MTG1: variants seen among roughly 807,000 people sequenced by gnomAD.
MTG1 encodes the protein mitochondrial ribosome associated GTPase 1.
In MTG1, 30 loss-of-function variants were observed where a neutral mutation model predicts 39.5. The ratio of observed to expected loss-of-function variants is 0.76; its 90% CI spans 0.57 to 1.03. The LOEUF (loss-of-function observed/expected upper bound fraction) is 1.03. MTG1 is among the 50% of genes least tolerant of loss of function. The pLI is 0.00. For missense variants in MTG1, 513 were observed against 447.4 expected (o/e 1.15, Z -1.32); for synonymous variants, 217 against 179.0 (o/e 1.21, Z -1.69).
chr10:133,413,615 G>A (rs538752430), intron 9 of MTG1, among the ~76,000 whole-genome samples: 5 of 152,142 alleles, frequency 3.3e-5, no homozygotes, highest in Admixed American at 1.3e-4. Context: ...ATTTTTAAAC[G>A]ATTCTACTGT....
rs567495709 is a variant in MTG1 at position 133,397,492 on chromosome 10, T to C, written c.283-943T>C. Among the ~76,000 whole-genome samples, 5 of 151,546 alleles carry C rather than the reference T, an allele frequency of 3.3e-5. 1 individual carries two copies. In the East Asian group the frequency reaches 9.7e-4, roughly 29 times the overall value. The stretch of plus-strand genomic sequence containing the variant: ...TCTTGTGTCTTATTTTCTTTTTTTT[T>C]TTTTGAGGCAGAGTCTTGCTCTGTC... On this transcript the variant is annotated intron_variant, in intron 3 of 10. Transcript: ENST00000317502.
rs1850256222 is a variant in MTG1, at chr10:133,422,249, C to T, written c.*2084C>T. ...CTGAGCAGGCCGTCAGCTGCCAGCC[C>T]ACCACGCGGATACCCAGGCCCTGTT... On this transcript the variant is annotated 3_prime_UTR_variant, in exon 11 of 11. Transcript: ENST00000317502. The T allele has an allele frequency of 1.3e-5, 2 of 152,418 alleles. No individual in the cohort carries two copies. Among genetic ancestry groups the T allele is most frequent in the Non-Finnish European group, 2.9e-5 (2 of 68,186 alleles). 9.4% of individuals were successfully genotyped at this position (152,418 alleles called of 1,614,324 possible). A position where few individuals can be genotyped will look rare whatever the true frequency, so the allele number is the denominator to read the frequency against.
intron 5 of MTG1, 50 bp from the exon 6 acceptor site, chr10:133,399,479 G>A (rs761293911): frequency 6.3e-7 from 1 of 1,578,324 alleles, no homozygotes; most frequent in South Asian, 1.1e-5. Flanking sequence ...CAGAGTCTCA[G>A]GCTCTAGCGG....
At chr10:133,417,125 G>A (rs1589919426) in intron 9 of MTG1, among the ~76,000 whole-genome samples, 1 of 152,144 alleles carries the variant, frequency 6.6e-6, no homozygotes, top group East Asian at 1.9e-4. Context: ...ATCTCATTGT[G>A]GTTTTGATTT....
intron 9 of MTG1, among the ~76,000 whole-genome samples, chr10:133,413,710 A>G (rs1850078018): frequency 2.0e-5 from 3 of 152,194 alleles, no homozygotes; most frequent in Non-Finnish European, 4.4e-5. Context: ...TGACCTTACA[A>G]TAATGCATTT....
Position 133,396,040 on chromosome 10 carries a change from G to A in MTG1, c.178-123G>A. The A allele has an allele frequency of 3.2e-6, 3 of 938,100 alleles. No individual in the cohort carries two copies. The South Asian group carries it at 4.4e-5, about 14-fold the overall frequency. The allele number at this position is 938,100 out of a possible 1,614,324, so 58.1% of individuals were successfully genotyped here. ...AACTGTTTAAATGTTCCTGCCAACT[G>A]GGGCTTTTCTCCTGTACTTGAGGAA... On this transcript the variant is annotated intron_variant, in intron 2 of 10. Coordinates refer to ENST00000317502, the MANE Select transcript of MTG1 (RefSeq NM_138384.4).
At chr10:133,397,961 A>G (rs1044254440) in intron 3 of MTG1, among the ~76,000 whole-genome samples, 2 of 152,132 alleles carry the variant, frequency 1.3e-5, no homozygotes, top group African/African-American at 4.8e-5. Context: ...AAGAATCGGG[A>G]GAGAGGTAGA....
chr10:133,408,548 A>C (rs546985895), intron 9 of MTG1, among the ~76,000 whole-genome samples: 164 of 152,166 alleles, frequency 1.1e-3, no homozygotes, highest in Non-Finnish European at 5.1e-4. Flanking sequence ...TGGTTTTTGT[A>C]GGAGGATAAT....
intron 9 of MTG1, among the ~76,000 whole-genome samples, chr10:133,417,633 T>A (rs10776680): frequency 2.0e-5 from 3 of 150,554 alleles, no homozygotes; most frequent in African/African-American, 7.3e-5. Context: ...AAAACCCCAT[T>A]GTCTCAGCCC....
At position 133,394,319 on chromosome 10, in the gene MTG1, C is replaced by A; in HGVS notation, c.99C>A (p.Gly33=). The A allele has an allele frequency of 2.0e-6, 3 of 1,509,558 alleles. No homozygotes were observed. The highest frequency in any genetic ancestry group is 2.6e-6 in the Non-Finnish European group (3 of 1,133,498). 93.5% of individuals were successfully genotyped at this position (1,509,558 alleles called of 1,614,324 possible). Residue 33 remains glycine (G), a synonymous_variant, in exon 1 of 11, where the codon GGC becomes GGA. Coordinates refer to ENST00000317502, the MANE Select transcript of MTG1 (RefSeq NM_138384.4). ...CGRDVARWFP[G]HMAKGLKKMQ... ...GCGACGTGGCGCGCTGGTTCCCGGG[C>A]CACATGGCCAAGGGTGAGGCACGGC...
intron 9 of MTG1, among the ~76,000 whole-genome samples, chr10:133,418,513 C>T (rs1435133291): frequency 6.6e-6 from 1 of 151,874 alleles, no homozygotes; most frequent in East Asian, 1.9e-4. Flanking sequence ...TTTGGAGCAC[C>T]AGGGCACCCT....
At chr10:133,400,357 G>A (rs975396105) in intron 6 of MTG1, among the ~76,000 whole-genome samples, 8 of 152,186 alleles carry the variant, frequency 5.3e-5, no homozygotes, top group African/African-American at 1.7e-4. Context: ...AGTCGCAGGC[G>A]CTCCTTTCCT....
rs548212894 is a variant in MTG1, at chr10:133,404,814, A to G, written c.752+2041A>G. On this transcript the variant is annotated intron_variant, in intron 9 of 10. Coordinates refer to ENST00000317502, the MANE Select transcript of MTG1 (RefSeq NM_138384.4). ...GCAAAGACTGTCTTTTCTCCACTGA[A>G]TTGTCTTTGCATCTTTGTCGCAAAT... 3.9e-5 allele frequency among the ~76,000 whole-genome samples: 6 copies of G among 152,240 alleles called. No homozygotes were observed. The East Asian group carries it at 1.2e-3, about 29-fold the overall frequency.
At chr10:133,407,706 T>A (rs921078886) in intron 9 of MTG1, among the ~76,000 whole-genome samples, 7 of 152,068 alleles carry the variant, frequency 4.6e-5, no homozygotes, top group African/African-American at 1.7e-4. Context: ...GTAGCTGGGA[T>A]TACAGGCGTG....
intron 9 of MTG1, among the ~76,000 whole-genome samples, chr10:133,412,577 G>C (rs190292674): frequency 9.5e-4 from 145 of 152,240 alleles, no homozygotes; most frequent in African/African-American, 3.4e-3. Context: ...CAATTGACAG[G>C]TTTTTTTAGT....
At chr10:133,419,631 C>T (rs1405327197) in intron 10 of MTG1, 39 bp downstream of exon 10, 1 of 1,528,846 alleles carries the variant, frequency 6.5e-7, no homozygotes, top group Non-Finnish European at 8.9e-7. Context: ...GAGCCTCACC[C>T]CATCACCCTG....
chr10:133,413,543 C>T (rs1049333611), intron 9 of MTG1, among the ~76,000 whole-genome samples: 12 of 152,274 alleles, frequency 7.9e-5, no homozygotes, highest in East Asian at 1.9e-4. Flanking sequence ...CCACCGTGCC[C>T]GGCCCATTTG....
intron 7 of MTG1, 179 bp from the exon 8 acceptor site, chr10:133,401,970 G>T: frequency 1.6e-6 from 1 of 641,284 alleles, no homozygotes. Flanking sequence ...TCCAAATTAA[G>T]TGGGAATTAG....
Position 133,422,241 on chromosome 10 carries a change from T to G in MTG1, c.*2076T>G, listed in dbSNP as rs564869717. The G allele has an allele frequency of 6.6e-5, 10 of 152,490 alleles. No homozygotes were observed. Among genetic ancestry groups the G allele is most frequent in the African/African-American group, 2.4e-4 (10 of 41,578 alleles). The allele number at this position is 152,490 out of a possible 1,614,324, so 9.4% of individuals were successfully genotyped here. ...TGGCTCCACTGAGCAGGCCGTCAGC[T>G]GCCAGCCCACCACGCGGATACCCAG... On this transcript the variant is annotated 3_prime_UTR_variant, in exon 11 of 11. Coordinates refer to ENST00000317502, the MANE Select transcript of MTG1 (RefSeq NM_138384.4).
Sources: gnomAD v4.1 joint callset for allele counts (sites outside exome capture counted in the v4.1 genomes callset) on GRCh38, gnomAD v4.1.1 for gene constraint, MANE v1.5 for transcripts, NCBI Gene and HGNC (gene_info 2026-07-23, HGNC 2026-07-21) for gene names.